Variants in FANCD2 observed in about 807,000 individuals in gnomAD.
The protein encoded by FANCD2 is Fanconi anemia group D2 protein.
Under a neutral mutation model 192.3 loss-of-function variants are expected in FANCD2, and 131 were observed. That is an observed-to-expected ratio of 0.68 (90% CI 0.59 to 0.79). The LOEUF (loss-of-function observed/expected upper bound fraction) is 0.79, where lower values mean the gene tolerates loss of function less well. FANCD2 is among the 30% of genes least tolerant of loss of function. FANCD2 has a pLI of 0.00. For synonymous variants in FANCD2, 524 were observed against 612.5 expected (o/e 0.86, Z 2.13); for missense variants, 1,508 against 1,701.6 (o/e 0.89, Z 2.00).
intron 18 of FANCD2, among the ~76,000 whole-genome samples, chr3:10,055,774 T>C (rs1252286661): frequency 2.0e-5 from 3 of 151,584 alleles, no homozygotes; most frequent in Non-Finnish European, 2.9e-5. Flanking sequence ...ATCGCATCAC[T>C]GCACTCCAGC....
intron 6 of FANCD2, among the ~76,000 whole-genome samples, chr3:10,036,049 T>C (rs2124977640): frequency 6.6e-6 from 1 of 151,070 alleles, no homozygotes; most frequent in African/African-American, 2.4e-5. Context: ...AAAGTGTTTA[T>C]TCCAGGAGCT....
At chr3:10,074,719 G>A (rs1212303000) in intron 29 of FANCD2, 46 bp downstream of exon 29, 6 of 1,582,984 alleles carry the variant, frequency 3.8e-6, no homozygotes, top group Non-Finnish European at 5.2e-6. Context: ...CTTTCAGAAA[G>A]TTCCTCAGGT....
rs138111025 is a variant in FANCD2, at chr3:10,101,402, T to TAA, written c.*142_*143dup. 3.7e-6 allele frequency: 2 copies of TAA among 541,690 alleles called. No individual in the cohort carries two copies. The highest frequency in any genetic ancestry group is 2.0e-5 in the South Asian group (1 of 50,964). 33.6% of individuals were successfully genotyped at this position (541,690 alleles called of 1,614,324 possible). A position where few individuals can be genotyped will look rare whatever the true frequency, so the allele number is the denominator to read the frequency against. ...CTTTTTTTTTTTTTTTTTTTTTTTT[T>TAA]AAAGACGGGGACTCGCTGTGTTTCC... On this transcript the variant is annotated 3_prime_UTR_variant, in exon 44 of 44. Coordinates refer to ENST00000675286, the MANE Select transcript of FANCD2 (RefSeq NM_001018115.3).
chr3:10,028,595 G>A (rs936977732), intron 1 of FANCD2, 30 bp from the exon 2 acceptor site: 8 of 1,393,694 alleles, frequency 5.7e-6, no homozygotes, highest in South Asian at 1.2e-5. Context: ...TCTTCTAGAG[G>A]GTAACTTCTG....
intron 18 of FANCD2, among the ~76,000 whole-genome samples, chr3:10,058,592 T>G (rs1403259438): frequency 6.6e-6 from 1 of 152,226 alleles, no homozygotes; most frequent in African/African-American, 2.4e-5. Context: ...GCCAATTTGT[T>G]GAGAAGATGG....
chr3:10,096,223 T>C (rs1323896769), intron 41 of FANCD2, 103 bp from the exon 42 acceptor site: 2 of 1,220,780 alleles, frequency 1.6e-6, no homozygotes, highest in Non-Finnish European at 2.4e-6. Flanking sequence ...TGGCCCATAC[T>C]GGCAGGGCTT....
At chr3:10,069,820 A>G (rs1203086394) in intron 26 of FANCD2, among the ~76,000 whole-genome samples, 1 of 150,884 alleles carries the variant, frequency 6.6e-6, no homozygotes, top group East Asian at 2.0e-4. Flanking sequence ...TACAACCTCC[A>G]CCTCCCAGCC....
At chr3:10,061,853 G>A (rs1364052744) in intron 19 of FANCD2, among the ~76,000 whole-genome samples, 2 of 151,612 alleles carry the variant, frequency 1.3e-5, no homozygotes, top group African/African-American at 4.8e-5. Context: ...TATTACAAAA[G>A]TGAAATTAAA....
chr3:10,065,219 G>A (rs1256418474), intron 23 of FANCD2, among the ~76,000 whole-genome samples, 175 bp from the exon 24 acceptor site: 1 of 152,166 alleles, frequency 6.6e-6, no homozygotes, highest in Non-Finnish European at 1.5e-5. Flanking sequence ...AACCTGGGAG[G>A]CAGAGGTTGC....
At chr3:10,088,794 A>C in intron 35 of FANCD2, 34 bp from the exon 36 acceptor site, 1 of 1,611,556 alleles carries the variant, frequency 6.2e-7, no homozygotes, top group Non-Finnish European at 8.5e-7. Flanking sequence ...CTACTTTGTT[A>C]ATTAGTGGGT....
intron 28 of FANCD2, 21 bp from the exon 29 acceptor site, chr3:10,074,509 G>C: frequency 1.2e-6 from 2 of 1,606,350 alleles, no homozygotes; most frequent in Non-Finnish European, 1.7e-6. Context: ...TATTCTCTTT[G>C]TTGCTGTGAC....
intron 30 of FANCD2, among the ~76,000 whole-genome samples, chr3:10,079,692 A>G (rs1427395117): frequency 1.3e-5 from 2 of 152,160 alleles, no homozygotes; most frequent in East Asian, 1.9e-4. Flanking sequence ...TTTGGTTTCA[A>G]CAGCCTCCCA....
chr3:10,058,843 A>G (rs1298397942), intron 18 of FANCD2, among the ~76,000 whole-genome samples: 1 of 151,818 alleles, frequency 6.6e-6, no homozygotes, highest in African/African-American at 2.4e-5. Flanking sequence ...ATTCCATGTG[A>G]ATTTTGGTAT....
At chr3:10,073,482 C>G (rs1367162727) in intron 28 of FANCD2, 120 bp downstream of exon 28, 2 of 836,232 alleles carry the variant, frequency 2.4e-6, no homozygotes, top group African/African-American at 1.7e-5. Context: ...AGCCAAAACT[C>G]TCTTAGGCGT....
chr3:10,099,115 G>A, intron 43 of FANCD2: 1 of 1,497,964 alleles, frequency 6.7e-7, no homozygotes, highest in South Asian at 1.3e-5. Context: ...ATTTTAGAAG[G>A]GAGAAGTCAT....
rs6442148 is a variant in FANCD2, at chr3:10,036,605, G to C, written c.491+266G>C. ...ATCCCAACAGTTTGGGAAGCTGAGG[G>C]AGGAGGATTGCTTGAGTTCAGGAAT... On this transcript the variant is annotated intron_variant, in intron 7 of 43. Transcript: ENST00000675286. Among the ~76,000 whole-genome samples the C allele has an allele frequency of 0.23, 34,353 of 151,974 alleles. 5,017 individuals are homozygous for C. Among genetic ancestry groups the C allele is most frequent in the African/African-American group, 0.42 (17,380 of 41,386 alleles).
At chr3:10,054,402 TGTATATAC>T (rs1457020615) in intron 18 of FANCD2, among the ~76,000 whole-genome samples, 2 of 104,702 alleles carry the variant, frequency 1.9e-5, no homozygotes, top group Non-Finnish European at 3.6e-5. Context: ...TATACGTATA[TGTATATAC>T]GTATATACAT....
chr3:10,053,295 G>A (rs1485215041), intron 18 of FANCD2, among the ~76,000 whole-genome samples: 7 of 150,172 alleles, frequency 4.7e-5, no homozygotes, highest in African/African-American at 1.7e-4. Flanking sequence ...ACCGCACACC[G>A]CATATTCTCA....
chr3:10,052,813 CA>C (rs2087257789), intron 18 of FANCD2, among the ~76,000 whole-genome samples: 1 of 150,266 alleles, frequency 6.7e-6, no homozygotes, highest in Non-Finnish European at 1.5e-5. Flanking sequence ...AAATGCAAAT[CA>C]AAACCACAAT....
Sources: allele counts gnomAD v4.1 joint callset (sites outside exome capture counted in the v4.1 genomes callset), GRCh38; gene constraint gnomAD v4.1.1; transcripts MANE v1.5; gene names NCBI Gene and HGNC (gene_info 2026-07-23, HGNC 2026-07-21).